The following DPYD variants were observed in gnomAD, a reference collection of about 807,000 sequenced individuals.
The protein encoded by DPYD is dihydropyrimidine dehydrogenase.
DPYD carries 109 observed loss-of-function variants against 116.2 expected under a neutral mutation model. The observed-to-expected ratio is 0.94, with a 90% CI of 0.80 to 1.10. The LOEUF (loss-of-function observed/expected upper bound fraction) is 1.10, where lower values mean the gene tolerates loss of function less well. Ranked by LOEUF, DPYD falls within the 50% of genes least tolerant of loss-of-function variation. DPYD has a pLI of 0.00. For synonymous variants in DPYD, 440 were observed against 432.0 expected (o/e 1.02, Z -0.23); for missense variants, 1,302 against 1,254.5 (o/e 1.04, Z -0.57).
At chr1:97,776,234 G>A (rs765350274) in intron 3 of DPYD, among the ~76,000 whole-genome samples, 13 of 152,042 alleles carry the variant, frequency 8.6e-5, no homozygotes, top group Non-Finnish European at 1.6e-4. Context: ...CCTGCAAAGT[G>A]GAGTTTATTT....
At chr1:97,664,580 C>G (rs542781447) in intron 8 of DPYD, among the ~76,000 whole-genome samples, 20 of 151,704 alleles carry the variant, frequency 1.3e-4, no homozygotes, top group Non-Finnish European at 1.2e-4. Context: ...GGTATAAAAA[C>G]TATAAGTCAA....
At chr1:97,407,092 T>C (rs1218920444) in intron 14 of DPYD, among the ~76,000 whole-genome samples, 1 of 152,320 alleles carries the variant, frequency 6.6e-6, no homozygotes, top group East Asian at 1.9e-4. Context: ...TTAACAAATA[T>C]TCATTTAATA....
chr1:97,244,652 G>A (rs879551353), intron 18 of DPYD, among the ~76,000 whole-genome samples: 7 of 151,992 alleles, frequency 4.6e-5, no homozygotes, highest in East Asian at 1.9e-4. Context: ...ATAGGCTGGT[G>A]TGAACTATAA....
chr1:97,231,333 T>C (rs778428685), intron 19 of DPYD, among the ~76,000 whole-genome samples: 30 of 152,172 alleles, frequency 2.0e-4, no homozygotes, highest in African/African-American at 2.7e-4. Context: ...TCTGGCTCCA[T>C]TGCTAGTCAT....
intron 3 of DPYD, among the ~76,000 whole-genome samples, chr1:97,822,790 CAGCAATA>C (rs1270370351): frequency 2.6e-5 from 4 of 152,132 alleles, no homozygotes; most frequent in African/African-American, 9.7e-5. Context: ...ACTGCATTAG[CAGCAATA>C]AGCAAGAGAT....
intron 1 of DPYD, among the ~76,000 whole-genome samples, chr1:97,886,798 C>CA (rs1291977742): frequency 1.3e-5 from 2 of 151,790 alleles, no homozygotes; most frequent in Admixed American, 1.3e-4. Context: ...TTCCTGAAAA[C>CA]AAAAAACTGA....
At chr1:97,597,291 C>G in intron 8 of DPYD, among the ~76,000 whole-genome samples, 1 of 152,184 alleles carries the variant, frequency 6.6e-6, no homozygotes, top group East Asian at 1.9e-4. Context: ...TCCTCCTCTA[C>G]CTGGGTGACA....
At chr1:97,753,362 C>A (rs948749643) in intron 3 of DPYD, among the ~76,000 whole-genome samples, 12 of 152,112 alleles carry the variant, frequency 7.9e-5, no homozygotes, top group African/African-American at 2.9e-4. Context: ...TTATCTCTGC[C>A]ATTTCCTCAG....
At chr1:97,794,457 A>G (rs573946304) in intron 3 of DPYD, among the ~76,000 whole-genome samples, 1 of 152,376 alleles carries the variant, frequency 6.6e-6, no homozygotes, top group East Asian at 1.9e-4. Context: ...AAAGATATTC[A>G]GCATCATTCA....
At chr1:97,328,425 T>C (rs1055791029) in intron 16 of DPYD, among the ~76,000 whole-genome samples, 4 of 152,160 alleles carry the variant, frequency 2.6e-5, no homozygotes, top group African/African-American at 9.6e-5. Context: ...AGTCTACTTA[T>C]GTTTAACTCC....
rs1043357815 is a variant in DPYD at position 97,192,240 on chromosome 1, T to A, written c.2622+829A>T. 8.5e-5 allele frequency among the ~76,000 whole-genome samples: 13 copies of A among 152,084 alleles called. No homozygotes were observed. In the East Asian group the frequency reaches 1.2e-3, roughly 14 times the overall value. On this transcript the variant is annotated intron_variant, in intron 20 of 22. Transcript: ENST00000370192. ...CCTAACCCAGTCATCCAAGGCAGAG[T>A]ACCCAGGGCTTTTGTTTTCCATTCT...
intron 11 of DPYD, among the ~76,000 whole-genome samples, chr1:97,557,003 C>T (rs975657127): frequency 7.9e-5 from 12 of 151,336 alleles, no homozygotes; most frequent in African/African-American, 2.9e-4. Context: ...TTCTCCACAT[C>T]CTCTCCAGCA....
At chr1:97,774,081 C>T (rs973536105) in intron 3 of DPYD, among the ~76,000 whole-genome samples, 3 of 152,306 alleles carry the variant, frequency 2.0e-5, no homozygotes, top group South Asian at 4.1e-4. Context: ...CCACATTCCC[C>T]ACTACCTGCC....
At chr1:97,247,873 A>G (rs889387687) in intron 18 of DPYD, among the ~76,000 whole-genome samples, 1 of 152,200 alleles carries the variant, frequency 6.6e-6, no homozygotes, top group East Asian at 1.9e-4. Flanking sequence ...ATAATAAAAA[A>G]CATTTTCACA....
intron 14 of DPYD, among the ~76,000 whole-genome samples, chr1:97,392,348 C>CT (rs1049119142): frequency 2.6e-5 from 4 of 151,636 alleles, no homozygotes; most frequent in African/African-American, 7.3e-5. Flanking sequence ...CTTTCTCACT[C>CT]TTTTTTTTCC....
At chr1:97,604,747 G>A (rs1161790487) in intron 8 of DPYD, among the ~76,000 whole-genome samples, 1 of 151,942 alleles carries the variant, frequency 6.6e-6, no homozygotes, top group African/African-American at 2.4e-5. Context: ...ACCTTCTAAA[G>A]GGCATTCTTG....
At chr1:97,566,578 A>C (rs1292930614) in intron 11 of DPYD, among the ~76,000 whole-genome samples, 1 of 152,182 alleles carries the variant, frequency 6.6e-6, no homozygotes, top group Non-Finnish European at 1.5e-5. Flanking sequence ...AATATAATGC[A>C]GTATTCTTTA....
chr1:97,213,165 A>C (rs1660152966), intron 19 of DPYD, among the ~76,000 whole-genome samples: 2 of 152,134 alleles, frequency 1.3e-5, no homozygotes, highest in African/African-American at 4.8e-5. Context: ...GACTTACCAA[A>C]GGCCTATCTC....
In DPYD at chr1:97,385,525, T is replaced by TAA. The variant is rs34091738; in HGVS notation, c.1906-3066_1906-3065dup. Among the ~76,000 whole-genome samples, 94 of 140,712 alleles carry TAA rather than the reference T, an allele frequency of 6.7e-4. 2 individuals are homozygous for TAA. The highest frequency in any genetic ancestry group is 2.0e-3 in the South Asian group (9 of 4,498). The allele number at this position is 140,712 out of a possible 152,430, so 92.3% of individuals were successfully genotyped here. On this transcript the variant is annotated intron_variant, in intron 14 of 22. Transcript: ENST00000370192. Reference sequence around the variant, plus strand: ...ATAGATTTTTAGAAAATTTTTTTCTTAAAAAAAAAAAAACAAAATAAAACA... The same window carrying TAA: ...ATAGATTTTTAGAAAATTTTTTTCTTAAAAAAAAAAAAAAACAAAATAAAACA...
Sources: allele counts gnomAD v4.1 joint callset (sites outside exome capture counted in the v4.1 genomes callset), GRCh38; gene constraint gnomAD v4.1.1; transcripts MANE v1.5; gene names NCBI Gene and HGNC (gene_info 2026-07-23, HGNC 2026-07-21).